TNFAIP3: variants seen among roughly 807,000 people sequenced by gnomAD.
TNFAIP3 encodes the protein tumor necrosis factor alpha-induced protein 3.
Under a neutral mutation model 72.4 loss-of-function variants are expected in TNFAIP3, and 9 were observed. The observed-to-expected ratio is 0.12, with a 90% confidence interval of 0.07 to 0.22. The LOEUF (loss-of-function observed/expected upper bound fraction) is 0.22. Ranked by LOEUF, TNFAIP3 falls within the 10% of genes least tolerant of loss-of-function variation. The pLI is 1.00. For missense variants in TNFAIP3, 833 were observed against 1,018.7 expected, an observed-to-expected ratio of 0.82 and a Z score of 2.48; for synonymous variants, 339 against 372.6, an observed-to-expected ratio of 0.91 and a Z score of 1.04.
rs964986075 is a variant in TNFAIP3, at chr6:137,882,720, G to T, written c.*1401G>T. The T allele has an allele frequency of 1.7e-5, 4 of 232,660 alleles. No individual in the cohort carries two copies. Among genetic ancestry groups the T allele is most frequent in the East Asian group, 1.2e-4 (2 of 16,670 alleles). The allele number at this position is 232,660 out of a possible 1,614,324, so 14.4% of individuals were successfully genotyped here. ...ATTTTCTGTTAACACTGTGTCCTGG[G>T]GGGGCTGGGAAGTCCCCTGCATCCC... On this transcript the variant is annotated 3_prime_UTR_variant, in exon 9 of 9. Transcript: ENST00000612899.
chr6:137,881,001 A>G lies in TNFAIP3; in HGVS notation c.2089-34A>G. On this transcript the variant is annotated intron_variant, in intron 8 of 8. Transcript: ENST00000612899. The surrounding 1 kb of genome is among the most constrained non-coding windows in gnomAD (Gnocchi z 5.0). Reference sequence around the variant, plus strand: ...AAGAAATGTGAGCAATAGTTTCCTGACTTTTTAATGATCTGCCTGTTCTTT... The same window carrying G: ...AAGAAATGTGAGCAATAGTTTCCTGGCTTTTTAATGATCTGCCTGTTCTTT... The G allele has an allele frequency of 6.4e-7, 1 of 1,552,156 alleles. No individual in the cohort carries two copies. Among genetic ancestry groups the G allele is most frequent in the East Asian group, 2.3e-5 (1 of 44,082 alleles).
intron 8 of TNFAIP3, among the ~76,000 whole-genome samples, 165 bp from the exon 9 acceptor site, chr6:137,880,870 A>C (rs1171627784): frequency 1.3e-5 from 2 of 152,164 alleles, no homozygotes; most frequent in Non-Finnish European, 2.9e-5. Flanking sequence ...ACATCCTTCG[A>C]GAGCTCTGGC....
intron 1 of TNFAIP3, among the ~76,000 whole-genome samples, chr6:137,869,664 G>T (rs543188271): frequency 6.6e-6 from 1 of 152,212 alleles, no homozygotes; most frequent in South Asian, 2.1e-4. Flanking sequence ...TGGGCCACAA[G>T]AATTATCTCA....
intron 3 of TNFAIP3, 57 bp from the exon 4 acceptor site, chr6:137,875,631 T>G: frequency 6.3e-7 from 1 of 1,582,158 alleles, no homozygotes. Flanking sequence ...AGAATGACTT[T>G]TTAGTACAGG....
rs149162594 is a variant in TNFAIP3 at position 137,871,289 on chromosome 6, T to C, written c.62T>C (p.Ile21Thr). The C allele has an allele frequency of 1.1e-5, 18 of 1,614,014 alleles. No homozygotes were observed. The Admixed American group carries it at 1.2e-4, about 10-fold the overall frequency. ...AGCAATATGCGGAAAGCTGTGAAGA[T>C]ACGGGAGAGAACTCCAGAAGACATT... Reference protein sequence around the residue: ...YLSNMRKAVKIRERTPEDIFK... With the variant: ...YLSNMRKAVKTRERTPEDIFK... The change falls in exon 2 of 9, where the codon ATA (isoleucine) becomes ACA (threonine). Residue 21 changes from isoleucine to threonine, a missense_variant. Around this residue, in one of 2 missense-constraint regions of TNFAIP3, gnomAD observed 246 missense variants for 360.9 expected, o/e 0.68. Coordinates refer to ENST00000612899, the MANE Select transcript of TNFAIP3 (RefSeq NM_001270508.2). This position sits in a 1 kb window ranked among gnomAD's most constrained non-coding sequence, Gnocchi z 4.2.
chr6:137,872,087 CAGAT>C (rs769096661), intron 2 of TNFAIP3, among the ~76,000 whole-genome samples: 1 of 152,234 alleles, frequency 6.6e-6, no homozygotes, highest in Non-Finnish European at 1.5e-5. Flanking sequence ...GTGAAATAGA[CAGAT>C]AGCTGAGATT....
Position 137,878,421 on chromosome 6 carries a change from T to G in TNFAIP3, c.987-11T>G. The G allele has an allele frequency of 6.3e-7, 1 of 1,591,686 alleles. No individual in the cohort carries two copies. Among genetic ancestry groups the G allele is most frequent in the Non-Finnish European group, 8.6e-7 (1 of 1,166,400 alleles). On this transcript the variant is annotated splice_polypyrimidine_tract_variant and intron_variant, in intron 6 of 8. Transcript: ENST00000612899. Reference sequence around the variant, plus strand: ...GTATTCTCATACATATTTTTTCCTTTTGGTCTTCAGGTTGGATGAAGCTAA... The same window carrying G: ...GTATTCTCATACATATTTTTTCCTTGTGGTCTTCAGGTTGGATGAAGCTAA...
At position 137,877,125 on chromosome 6, in the gene TNFAIP3, C is replaced by T. The variant is rs1582891373; in HGVS notation, c.855C>T (p.Asp285=). The T allele has an allele frequency of 6.2e-7, 1 of 1,613,542 alleles. No homozygotes were observed. Among genetic ancestry groups the T allele is most frequent in the Non-Finnish European group, 8.5e-7 (1 of 1,179,764 alleles). ...LVNRDRGRFE[D]LKVHFLTDPE... is the part of the protein sequence containing the mutation. ...ACAGAGACCGGGGAAGATTTGAAGA[C>T]TTAAAAGTTCACTTTTTGACAGATC... Residue 285 remains aspartate (D), a synonymous_variant, in exon 6 of 9, where the codon GAC becomes GAT. Transcript: ENST00000612899.
In TNFAIP3 at chr6:137,874,896, A is replaced by G; in HGVS notation, c.347A>G (p.Gln116Arg). Residue 116 changes from glutamine to arginine, a missense_variant, in exon 3 of 9, where the codon CAG (glutamine) becomes CGG (arginine). This residue lies in a region of TNFAIP3 where 246 missense variants were observed against 360.9 expected (regional missense o/e 0.68). Coordinates refer to ENST00000612899, the MANE Select transcript of TNFAIP3 (RefSeq NM_001270508.2). ...ACTTCTCAGTACATGTGGGGCGTTC[A>G]GGACACAGACTTGGTACTGAGGAAG... Reference protein sequence around the residue: ...HATSQYMWGVQDTDLVLRKAL... With the variant: ...HATSQYMWGVRDTDLVLRKAL... 6.2e-7 allele frequency: 1 copy of G among 1,614,246 alleles called. No homozygotes were observed. The highest frequency in any genetic ancestry group is 1.1e-5 in the South Asian group (1 of 91,084).
intron 2 of TNFAIP3, among the ~76,000 whole-genome samples, chr6:137,872,788 G>A (rs1776104631): frequency 6.6e-6 from 1 of 152,194 alleles, no homozygotes; most frequent in Admixed American, 6.5e-5. Flanking sequence ...TTATGTGCCT[G>A]ACAATTTGTG....
At chr6:137,877,390 C>T (rs1776287335) in intron 6 of TNFAIP3, 134 bp downstream of exon 6, 2 of 673,696 alleles carry the variant, frequency 3.0e-6, no homozygotes, top group South Asian at 5.5e-5. Flanking sequence ...GAAACAAATT[C>T]AGAGTCTTGT....
At chr6:137,877,799 T>C (rs1020458333) in intron 6 of TNFAIP3, among the ~76,000 whole-genome samples, 2 of 152,246 alleles carry the variant, frequency 1.3e-5, no homozygotes, top group Non-Finnish European at 2.9e-5. Context: ...GTTAAAGAGA[T>C]GCCTGTTTCT....
Position 137,882,328 on chromosome 6 carries a change from T to G in TNFAIP3, c.*1009T>G, listed in dbSNP as rs1776490844. 4.3e-6 allele frequency: 1 copy of G among 231,858 alleles called. No homozygotes were observed. Among genetic ancestry groups the G allele is most frequent in the Admixed American group, 5.6e-5 (1 of 17,728 alleles). 14.4% of individuals were successfully genotyped at this position (231,858 alleles called of 1,614,324 possible). On this transcript the variant is annotated 3_prime_UTR_variant, in exon 9 of 9. Coordinates refer to ENST00000612899, the MANE Select transcript of TNFAIP3 (RefSeq NM_001270508.2). ...TCACTTTATTTATTTTATTACAAAC[T>G]TCAAGATTATTTAAGTGAAGATATT...
chr6:137,877,736 AAG>A (rs1776296982), intron 6 of TNFAIP3, among the ~76,000 whole-genome samples: 1 of 152,232 alleles, frequency 6.6e-6, no homozygotes, highest in African/African-American at 2.4e-5. Context: ...AATGGGAGGA[AAG>A]CCCCAGAATA....
At chr6:137,877,763 A>G (rs1776297921) in intron 6 of TNFAIP3, among the ~76,000 whole-genome samples, 1 of 152,238 alleles carries the variant, frequency 6.6e-6, no homozygotes, top group African/African-American at 2.4e-5. Flanking sequence ...TTGTGCAGGT[A>G]TCCGGTCTTT....
Position 137,882,399 on chromosome 6 carries a change from T to C in TNFAIP3, c.*1080T>C, listed in dbSNP as rs5029967. 2.7e-4 allele frequency: 64 copies of C among 233,064 alleles called. 2 individuals carry two copies. In the South Asian group the frequency reaches 0.011, roughly 39 times the overall value. The allele number at this position is 233,064 out of a possible 1,614,324, so 14.4% of individuals were successfully genotyped here. ...GCCACAGTGTTCTCCTGAGAGAACA[T>C]CCTTGCTTTGAGTCAGGCTGTGGGC... On this transcript the variant is annotated 3_prime_UTR_variant, in exon 9 of 9. Coordinates refer to ENST00000612899, the MANE Select transcript of TNFAIP3 (RefSeq NM_001270508.2).
chr6:137,877,135 C>T lies in TNFAIP3; in HGVS notation c.865C>T (p.His289Tyr). ...GGGAAGATTTGAAGACTTAAAAGTT[C>T]ACTTTTTGACAGATCCTGAAAATGA... ...DRGRFEDLKV[H>Y]FLTDPENEMK... The change falls in exon 6 of 9, where the codon CAC (histidine) becomes TAC (tyrosine). Residue 289 changes from histidine to tyrosine, a missense_variant. His to Tyr is a moderately conservative substitution (Grantham distance 83). Transcript: ENST00000612899. 1 of 1,613,540 alleles carries T rather than the reference C, an allele frequency of 6.2e-7. No individual in the cohort carries two copies. Among genetic ancestry groups the T allele is most frequent in the Non-Finnish European group, 8.5e-7 (1 of 1,179,762 alleles).
At position 137,881,507 on chromosome 6, in the gene TNFAIP3, G is replaced by T; in HGVS notation, c.*188G>T. On this transcript the variant is annotated 3_prime_UTR_variant, in exon 9 of 9. Transcript: ENST00000612899. This position sits in a 1 kb window ranked among gnomAD's most constrained non-coding sequence, Gnocchi z 5.0. ...TTTGGTAACCCGGGAGTGTTCCCAG[G>T]TGGCCTTAGAAAGCAAAGCTTGTAA... The T allele has an allele frequency of 2.0e-6, 1 of 512,412 alleles. No individual in the cohort carries two copies. Among genetic ancestry groups the T allele is most frequent in the Non-Finnish European group, 3.3e-6 (1 of 299,394 alleles). The allele number at this position is 512,412 out of a possible 1,614,324, so 31.7% of individuals were successfully genotyped here.
Position 137,875,735 on chromosome 6 carries a change from C to A in TNFAIP3, c.534C>A (p.Asp178Glu), listed in dbSNP as rs1351386580. The change falls in exon 4 of 9, where the codon GAC becomes GAA. Residue 178 changes from aspartate (D) to glutamate (E), a missense_variant. Asp to Glu is a conservative substitution (Grantham distance 45, BLOSUM62 2). This residue lies in a region of TNFAIP3 where 246 missense variants were observed against 360.9 expected (regional missense o/e 0.68). Transcript: ENST00000612899. ...ATCTTATCAAAATGGCTTCCACAGA[C>A]ACACCCATGGCCCGAAGTGGACTTC... ...WDNLIKMASTDTPMARSGLQY... is the reference protein window; with the variant it reads ...WDNLIKMASTETPMARSGLQY... 1.9e-6 allele frequency: 3 copies of A among 1,614,046 alleles called. No individual in the cohort carries two copies. The highest frequency in any genetic ancestry group is 2.5e-6 in the Non-Finnish European group (3 of 1,180,028).
Sources: allele counts gnomAD v4.1 joint callset (sites outside exome capture counted in the v4.1 genomes callset), GRCh38; gene constraint gnomAD v4.1.1; regional missense constraint gnomAD v4.1.1; non-coding constraint Gnocchi (gnomAD v3.1); transcripts MANE v1.5; gene names NCBI Gene and HGNC (gene_info 2026-07-23, HGNC 2026-07-21).